Variants in TMEM54 observed in about 807,000 individuals in gnomAD.
TMEM54 encodes the protein beta-casein-like protein.
TMEM54 carries 21 observed loss-of-function variants against 21.3 expected under a neutral mutation model. That is an observed-to-expected ratio of 0.99 (90% CI 0.70 to 1.42). The LOEUF (loss-of-function observed/expected upper bound fraction) is 1.42. TMEM54 is among the 40% of genes most tolerant of loss of function. The pLI is 0.00. For missense variants in TMEM54, 246 were observed against 294.0 expected, an observed-to-expected ratio of 0.84 and a Z score of 1.19; for synonymous variants, 109 against 125.0, an observed-to-expected ratio of 0.87 and a Z score of 0.86.
At position 32,895,905 on chromosome 1, in the gene TMEM54, C is replaced by T. The variant is rs533596462; in HGVS notation, c.270+5G>A. 9.9e-6 allele frequency: 16 copies of T among 1,612,046 alleles called. No individual in the cohort carries two copies. Among genetic ancestry groups the T allele is most frequent in the East Asian group, 4.5e-5 (2 of 44,866 alleles). On this transcript the variant is annotated splice_donor_5th_base_variant and intron_variant, in intron 3 of 5. Transcript: ENST00000373463. The surrounding 1 kb of genome is among the most constrained non-coding windows in gnomAD (Gnocchi z 5.8). ...CACAGCCCCATCCCAGGAGGCACCA[C>T]GTACCAGGGGGGTGCTAGGGAGGTA...
At position 32,895,959 on chromosome 1, in the gene TMEM54, G is replaced by T. The variant is rs370114493; in HGVS notation, c.221C>A (p.Ser74Ter). 6.2e-7 allele frequency: 1 copy of T among 1,613,348 alleles called. No individual in the cohort carries two copies. Among genetic ancestry groups the T allele is most frequent in the South Asian group, 1.1e-5 (1 of 90,922 alleles). ...SVTSAIVVIT[S>*]GIAAIVLSRY... ...TGACAACACGATGGCTGCGATGCCT[G>T]AAGTGATGACCTGTAGGGAAGGCTC... The change falls in exon 3 of 6, where the codon TCA (serine) becomes TAA (stop). Residue 74 changes from serine (S) to a stop codon, truncating the protein, a stop_gained. Coordinates refer to ENST00000373463, the MANE Select transcript of TMEM54 (RefSeq NM_033504.4). LOFTEE classifies it high-confidence loss of function. The surrounding 1 kb of genome is among the most constrained non-coding windows in gnomAD (Gnocchi z 5.8).
chr1:32,895,541 G>C lies in TMEM54; in HGVS notation c.459+14C>G, dbSNP rs1401063167. ...CGAGGGCCTGGTGCCCCTACTCCAG[G>C]CCTAGGTACTCACATAAATGCGTGT... On this transcript the variant is annotated intron_variant, in intron 4 of 5. Coordinates refer to ENST00000373463, the MANE Select transcript of TMEM54 (RefSeq NM_033504.4). This position sits in a 1 kb window ranked among gnomAD's most constrained non-coding sequence, Gnocchi z 5.8. 3.1e-6 allele frequency: 5 copies of C among 1,592,606 alleles called. No homozygotes were observed. The highest frequency in any genetic ancestry group is 4.3e-6 in the Non-Finnish European group (5 of 1,168,746).
Position 32,895,398 on chromosome 1 carries a change from G to T in TMEM54, c.501C>A (p.Cys167Ter). Residue 167 changes from cysteine (C) to a stop codon, truncating the protein, a stop_gained, in exon 5 of 6, where the codon TGC (cysteine) becomes TGA (stop). Coordinates refer to ENST00000373463, the MANE Select transcript of TMEM54 (RefSeq NM_033504.4). LOFTEE classifies it high-confidence loss of function. The surrounding 1 kb of genome is among the most constrained non-coding windows in gnomAD (Gnocchi z 5.8). ...LCLWGIALVLCVAENVFAVRC... is the reference protein window; with the variant it reads ...LCLWGIALVL Reference sequence around the variant, plus strand: ...GTACAGCAAACACGTTCTCCGCCACGCAGAGCACTAGGGCGATGCCCCAGA... The same window carrying T: ...GTACAGCAAACACGTTCTCCGCCACTCAGAGCACTAGGGCGATGCCCCAGA... The T allele has an allele frequency of 1.2e-6, 2 of 1,613,998 alleles. No individual in the cohort carries two copies. The highest frequency in any genetic ancestry group is 2.2e-5 in the East Asian group (1 of 44,866).
chr1:32,898,340 A>T (rs1232182294), intron 1 of TMEM54, 21 bp from the exon 2 acceptor site: 6 of 1,586,268 alleles, frequency 3.8e-6, no homozygotes, highest in Non-Finnish European at 4.3e-6. Context: ...CAGCTATGTC[A>T]GGGCTGTGCG....
Position 32,901,338 on chromosome 1 carries a change from C to G in TMEM54, c.-100G>C. The G allele has an allele frequency of 1.8e-6, 2 of 1,114,708 alleles. No individual in the cohort carries two copies. The highest frequency in any genetic ancestry group is 2.2e-6 in the Non-Finnish European group (2 of 890,454). 69.1% of individuals were successfully genotyped at this position (1,114,708 alleles called of 1,614,324 possible). A position where few individuals can be genotyped will look rare whatever the true frequency, so the allele number is the denominator to read the frequency against. The stretch of plus-strand genomic sequence containing the variant: ...CCATCCCGCTGGCCCGTCGCCCGCG[C>G]GCCCCGCACCGTCGCGCTCGCCCAC... On this transcript the variant is annotated 5_prime_UTR_variant, in exon 1 of 6. Transcript: ENST00000373463. The surrounding 1 kb of genome is among the most constrained non-coding windows in gnomAD (Gnocchi z 4.2).
At position 32,895,492 on chromosome 1, in the gene TMEM54, T is replaced by A; in HGVS notation, c.460-53A>T. On this transcript the variant is annotated intron_variant, in intron 4 of 5. Transcript: ENST00000373463. This position sits in a 1 kb window ranked among gnomAD's most constrained non-coding sequence, Gnocchi z 5.8. Reference sequence around the variant, plus strand: ...GCTGGAGTTGGGGGTGGAGGGTGGATTCCAAGAGCCCTTCCCACCCGTGCG... The same window carrying A: ...GCTGGAGTTGGGGGTGGAGGGTGGAATCCAAGAGCCCTTCCCACCCGTGCG... 1 of 1,594,514 alleles carries A rather than the reference T, an allele frequency of 6.3e-7. No individual in the cohort carries two copies. The highest frequency in any genetic ancestry group is 8.6e-7 in the Non-Finnish European group (1 of 1,167,354).
rs377148985 is a variant in TMEM54, at chr1:32,899,375, C to T, written c.17-1056G>A. The stretch of plus-strand genomic sequence containing the variant: ...GAGCGGTTTGGTCATATTTAATATA[C>T]GGTAGCTCTGCAGCTGAAAAAAAAA... On this transcript the variant is annotated intron_variant, in intron 1 of 5. Transcript: ENST00000373463. 4.0e-4 allele frequency among the ~76,000 whole-genome samples: 55 copies of T among 138,446 alleles called. No individual in the cohort carries two copies. The South Asian group carries it at 8.5e-3, about 21-fold the overall frequency. The allele number at this position is 138,446 out of a possible 152,430, so 90.8% of individuals were successfully genotyped here.
In TMEM54 at chr1:32,897,254, T is replaced by G. The variant is rs1256320728; in HGVS notation, c.210+872A>C. Among the ~76,000 whole-genome samples the G allele has an allele frequency of 6.6e-6, 1 of 152,234 alleles. No individual in the cohort carries two copies. Among genetic ancestry groups the G allele is most frequent in the Admixed American group, 6.5e-5 (1 of 15,290 alleles). On this transcript the variant is annotated intron_variant, in intron 2 of 5. Transcript: ENST00000373463. This position sits in a 1 kb window ranked among gnomAD's most constrained non-coding sequence, Gnocchi z 4.9. The stretch of plus-strand genomic sequence containing the variant: ...CTCCCAAGCCTTGAGGCCAGCAGGC[T>G]GTCTGAGCTTTATTTTGCAAGGGAG...
chr1:32,900,380 A>AT (rs568947339), intron 1 of TMEM54, among the ~76,000 whole-genome samples: 1 of 151,552 alleles, frequency 6.6e-6, no homozygotes, highest in African/African-American at 2.4e-5. Flanking sequence ...GCCGGGCTAA[A>AT]TTTTTTTTTC....
Position 32,894,679 on chromosome 1 carries a change from C to G in TMEM54, c.*126G>C. ...GGGTGGTGGGGGAGAGGGTTGAAAG[C>G]CCCACTTGGGTCCCCGAGGGTCCAT... On this transcript the variant is annotated 3_prime_UTR_variant, in exon 6 of 6. Transcript: ENST00000373463. 1 of 1,329,812 alleles carries G rather than the reference C, an allele frequency of 7.5e-7. No homozygotes were observed. Among genetic ancestry groups the G allele is most frequent in the Non-Finnish European group, 1.0e-6 (1 of 965,564 alleles). The allele number at this position is 1,329,812 out of a possible 1,614,324, so 82.4% of individuals were successfully genotyped here.
rs1256465543 is a variant in TMEM54, at chr1:32,897,411, A to C, written c.210+715T>G. Among the ~76,000 whole-genome samples, 1 of 152,222 alleles carries C rather than the reference A, an allele frequency of 6.6e-6. No homozygotes were observed. The highest frequency in any genetic ancestry group is 1.5e-5 in the Non-Finnish European group (1 of 68,034). On this transcript the variant is annotated intron_variant, in intron 2 of 5. Coordinates refer to ENST00000373463, the MANE Select transcript of TMEM54 (RefSeq NM_033504.4). This position sits in a 1 kb window ranked among gnomAD's most constrained non-coding sequence, Gnocchi z 4.9. Reference sequence around the variant, plus strand: ...GCTGACCGGCAAGAAAGAGCTTTAGAAACTTGAGACTACCAGACCCCTCCA... The same window carrying C: ...GCTGACCGGCAAGAAAGAGCTTTAGCAACTTGAGACTACCAGACCCCTCCA...
intron 2 of TMEM54, 84 bp downstream of exon 2, chr1:32,898,042 C>G: frequency 3.0e-6 from 4 of 1,349,648 alleles, no homozygotes; most frequent in Non-Finnish European, 4.1e-6. Flanking sequence ...CTTACCACCA[C>G]AGGCTCTGGG....
Position 32,901,325 on chromosome 1 carries a change from C to T in TMEM54, c.-87G>A. 13 of 1,161,060 alleles carry T rather than the reference C, an allele frequency of 1.1e-5. No homozygotes were observed. The highest frequency in any genetic ancestry group is 1.6e-5 in the African/African-American group (1 of 62,466). The allele number at this position is 1,161,060 out of a possible 1,614,324, so 71.9% of individuals were successfully genotyped here. A position where few individuals can be genotyped will look rare whatever the true frequency, so the allele number is the denominator to read the frequency against. The stretch of plus-strand genomic sequence containing the variant: ...GGGGACCCTGCTCCCATCCCGCTGG[C>T]CCGTCGCCCGCGCGCCCCGCACCGT... On this transcript the variant is annotated 5_prime_UTR_variant, in exon 1 of 6. Transcript: ENST00000373463. This position sits in a 1 kb window ranked among gnomAD's most constrained non-coding sequence, Gnocchi z 4.2.
intron 2 of TMEM54, 115 bp downstream of exon 2, chr1:32,898,011 G>T: frequency 1.0e-6 from 1 of 962,796 alleles, no homozygotes; most frequent in Non-Finnish European, 1.6e-6. Flanking sequence ...CAGACAAAGG[G>T]TTAGTCCTTG....
chr1:32,898,712 G>A (rs889381356), intron 1 of TMEM54, among the ~76,000 whole-genome samples: 1 of 152,084 alleles, frequency 6.6e-6, no homozygotes, highest in Non-Finnish European at 1.5e-5. Flanking sequence ...CAGGCCCTGG[G>A]GTACGACGGT....
Position 32,895,821 on chromosome 1 carries a change from C to A in TMEM54, c.271-78G>T. The A allele has an allele frequency of 6.4e-7, 1 of 1,558,888 alleles. No individual in the cohort carries two copies. Among genetic ancestry groups the A allele is most frequent in the Non-Finnish European group, 8.7e-7 (1 of 1,152,552 alleles). On this transcript the variant is annotated intron_variant, in intron 3 of 5. Coordinates refer to ENST00000373463, the MANE Select transcript of TMEM54 (RefSeq NM_033504.4). The surrounding 1 kb of genome is among the most constrained non-coding windows in gnomAD (Gnocchi z 5.8). ...AGCTCTGGCCTCCCTGAGGGTCAGC[C>A]TTACCCTCTCCAAGGAGGCCAGGCC...
intron 1 of TMEM54, 100 bp from the exon 2 acceptor site, chr1:32,898,419 A>C: frequency 8.6e-7 from 1 of 1,163,890 alleles, no homozygotes; most frequent in South Asian, 1.7e-5. Flanking sequence ...TTGGGTTCTA[A>C]ATGTATTTCT....
rs1641624320 is a variant in TMEM54 at position 32,897,305 on chromosome 1, TC to T, written c.210+820del. 6.6e-6 allele frequency among the ~76,000 whole-genome samples: 1 copy of T among 152,064 alleles called. No homozygotes were observed. The highest frequency in any genetic ancestry group is 6.6e-5 in the Admixed American group (1 of 15,266). ...GAACAGGCCTAGAGAGAGAAATAAGTCCCTCAGCCAGGAGAAGGCAGGGATG... is the reference window on the plus strand; with the variant it reads ...GAACAGGCCTAGAGAGAGAAATAAGTCCTCAGCCAGGAGAAGGCAGGGATG... On this transcript the variant is annotated intron_variant, in intron 2 of 5. Transcript: ENST00000373463. The surrounding 1 kb of genome is among the most constrained non-coding windows in gnomAD (Gnocchi z 4.9).
In TMEM54 at chr1:32,901,202, C is replaced by T; in HGVS notation, c.16+21G>A. 6.7e-7 allele frequency: 1 copy of T among 1,486,182 alleles called. No individual in the cohort carries two copies. The highest frequency in any genetic ancestry group is 9.1e-7 in the Non-Finnish European group (1 of 1,104,428). The allele number at this position is 1,486,182 out of a possible 1,614,324, so 92.1% of individuals were successfully genotyped here. A position where few individuals can be genotyped will look rare whatever the true frequency, so the allele number is the denominator to read the frequency against. On this transcript the variant is annotated intron_variant, in intron 1 of 5. Transcript: ENST00000373463. This position sits in a 1 kb window ranked among gnomAD's most constrained non-coding sequence, Gnocchi z 4.2. ...AGGGTTGGGGTGGTTCGGGGCCTCC[C>T]GCGCGCCCCCAGTCGCTCACCGAGG...
Sources: gnomAD v4.1 joint callset for allele counts (sites outside exome capture counted in the v4.1 genomes callset) on GRCh38, gnomAD v4.1.1 for gene constraint, Gnocchi (gnomAD v3.1) non-coding constraint, MANE v1.5 for transcripts, NCBI Gene and HGNC (gene_info 2026-07-23, HGNC 2026-07-21) for gene names.